The following FGFR3 variants were observed in gnomAD, a reference collection of about 807,000 sequenced individuals.
FGFR3 encodes the protein fibroblast growth factor receptor 3.
A neutral mutation model predicts 82.9 loss-of-function variants in FGFR3; 25 were observed. That is an observed-to-expected ratio of 0.30 (90% confidence interval 0.22 to 0.42). FGFR3 has a LOEUF of 0.42. Ranked by LOEUF, FGFR3 falls within the 10% of genes least tolerant of loss-of-function variation. FGFR3 has a pLI of 1.00. For synonymous variants in FGFR3, 620 were observed against 516.0 expected (o/e 1.20, Z -2.73); for missense variants, 1,026 against 1,161.0 (o/e 0.88, Z 1.69).
intron 8 of FGFR3, 129 bp downstream of exon 8, chr4:1,803,965 T>G (rs906842968): frequency 6.3e-6 from 7 of 1,116,924 alleles, no homozygotes; most frequent in African/African-American, 1.5e-5. Context: ...CCCTCACTCC[T>G]GGCCCTGTGC....
rs562813345 is a variant in FGFR3, at chr4:1,804,159, C to T, written c.1076-171C>T. On this transcript the variant is annotated intron_variant, in intron 8 of 17. Transcript: ENST00000440486. ...GGGCTCCTTCTCTCCAGGGTCTGGC[C>T]CTCTAGACTCACTGGCGTTACTGAC... 2.4e-3 allele frequency among the ~76,000 whole-genome samples: 363 copies of T among 152,320 alleles called. 6 individuals carry two copies. Among genetic ancestry groups the T allele is most frequent in the Non-Finnish European group, 6.3e-4 (43 of 68,032 alleles).
Position 1,798,049 on chromosome 4 carries a change from C to T in FGFR3, c.110-1205C>T, listed in dbSNP as rs372388422. Among the ~76,000 whole-genome samples the T allele has an allele frequency of 5.3e-5, 8 of 151,628 alleles. No individual in the cohort carries two copies. The East Asian group carries it at 5.9e-4, about 11-fold the overall frequency. Reference sequence around the variant, plus strand: ...CCCCGTCCCGGCCCCAAGCCCGGGACGCCTGCCTGCATGCATTGTCTGGCC... The same window carrying T: ...CCCCGTCCCGGCCCCAAGCCCGGGATGCCTGCCTGCATGCATTGTCTGGCC... On this transcript the variant is annotated intron_variant, in intron 2 of 17. Coordinates refer to ENST00000440486, the MANE Select transcript of FGFR3 (RefSeq NM_000142.5).
rs151254213 is a variant in FGFR3, at chr4:1,801,888, G to A, written c.793G>A (p.Ala265Thr). The change falls in exon 7 of 18, where the codon GCG (alanine) becomes ACG (threonine). Residue 265 changes from alanine (A) to threonine (T), a missense_variant. By Grantham distance (58) the Ala-to-Thr change is moderately conservative. This residue lies in a region of FGFR3 where 147 missense variants were observed against 228.1 expected (regional missense o/e 0.64). Coordinates refer to ENST00000440486, the MANE Select transcript of FGFR3 (RefSeq NM_000142.5). ...GGCGGGGCTGCCGGCCAACCAGACG[G>A]CGGTGCTGGGCAGCGACGTGGAGTT... ...LQAGLPANQT[A>T]VLGSDVEFHC... 4 of 1,610,988 alleles carry A rather than the reference G, an allele frequency of 2.5e-6. No homozygotes were observed. Among genetic ancestry groups the A allele is most frequent in the Admixed American group, 1.7e-5 (1 of 59,968 alleles).
chr4:1,794,884 G>A (rs868085128), intron 2 of FGFR3, among the ~76,000 whole-genome samples: 1 of 151,442 alleles, frequency 6.6e-6, no homozygotes, highest in African/African-American at 2.4e-5. Flanking sequence ...GCCTTGGCCC[G>A]GTGAGCTCGC....
At chr4:1,794,428 C>T (rs142699370) in intron 2 of FGFR3, among the ~76,000 whole-genome samples, 7 of 152,318 alleles carry the variant, frequency 4.6e-5, no homozygotes, top group Non-Finnish European at 1.0e-4. Flanking sequence ...CCCCCTCCCC[C>T]GGGCCCCAGT....
intron 9 of FGFR3, 114 bp downstream of exon 9, chr4:1,804,634 C>T: frequency 2.7e-6 from 4 of 1,470,408 alleles, no homozygotes; most frequent in Admixed American, 3.4e-5. Context: ...GCCAGGCGGG[C>T]TCCCCTCTCC....
intron 2 of FGFR3, among the ~76,000 whole-genome samples, 163 bp from the exon 3 acceptor site, chr4:1,799,091 C>T (rs1015874518): frequency 4.6e-5 from 7 of 152,308 alleles, no homozygotes; most frequent in East Asian, 1.9e-4. Flanking sequence ...AGATAGAGAC[C>T]TTTGGCCCTT....
rs1721871284 is a variant in FGFR3 at position 1,806,043 on chromosome 4, T to C, written c.1837-8T>C. ...AGGCTTCAGCCCTGCCTCCCACCCC[T>C]TCCCCAGTGCATCCACAGGGACCTG... On this transcript the variant is annotated splice_region_variant and splice_polypyrimidine_tract_variant and intron_variant, in intron 13 of 17. Transcript: ENST00000440486. 3 of 1,613,226 alleles carry C rather than the reference T, an allele frequency of 1.9e-6. No individual in the cohort carries two copies. Among genetic ancestry groups the C allele is most frequent in the South Asian group, 2.2e-5 (2 of 91,088 alleles).
chr4:1,795,573 G>C (rs1450994660), intron 2 of FGFR3, among the ~76,000 whole-genome samples: 2 of 152,236 alleles, frequency 1.3e-5, no homozygotes, highest in African/African-American at 4.8e-5. Flanking sequence ...TGAGGTCTAG[G>C]CTGGCGCTTG....
chr4:1,807,095 C>T (rs896039219), intron 17 of FGFR3, 21 bp from the exon 18 acceptor site: 8 of 1,562,248 alleles, frequency 5.1e-6, no homozygotes, highest in Non-Finnish European at 6.9e-6. Flanking sequence ...GCACAGCGCT[C>T]ACCCCGCCTC....
In FGFR3 at chr4:1,805,220, G is replaced by A. The variant is rs1286811370; in HGVS notation, c.1413-135G>A. 7.3e-6 allele frequency: 11 copies of A among 1,505,496 alleles called. No homozygotes were observed. In the African/African-American group the frequency reaches 9.6e-5, roughly 13 times the overall value. 93.3% of individuals were successfully genotyped at this position (1,505,496 alleles called of 1,614,324 possible). On this transcript the variant is annotated intron_variant, in intron 10 of 17. Coordinates refer to ENST00000440486, the MANE Select transcript of FGFR3 (RefSeq NM_000142.5). Reference sequence around the variant, plus strand: ...CACTCTTCGTCCTTACGAGCAGGCTGTAGGGGGAGCATGGAGGGCTTCCTG... The same window carrying A: ...CACTCTTCGTCCTTACGAGCAGGCTATAGGGGGAGCATGGAGGGCTTCCTG...
At chr4:1,795,529 G>C (rs989053952) in intron 2 of FGFR3, among the ~76,000 whole-genome samples, 6 of 152,176 alleles carry the variant, frequency 3.9e-5, no homozygotes, top group African/African-American at 1.4e-4. Flanking sequence ...AGATGGGCCG[G>C]GCAGTAAAAA....
chr4:1,803,635 TGCGGTGCCCGCAGG>T, intron 7 of FGFR3, 43 bp from the exon 8 acceptor site: 1 of 1,593,762 alleles, frequency 6.3e-7, no homozygotes, highest in Middle Eastern at 1.9e-4. Context: ...GTGGACTCTG[TGCGGTGCCCGCAGG>T]GCGGTGCTGG....
At position 1,804,285 on chromosome 4, in the gene FGFR3, TGG is replaced by T. The variant is rs4647926; in HGVS notation, c.1076-35_1076-34del. Reference sequence around the variant, plus strand: ...GCCAGGGGCATCCATGGGAGCCCCGTGGGGGGGGGGGCCAGGCCAGGCCTCAA... The same window carrying T: ...GCCAGGGGCATCCATGGGAGCCCCGTGGGGGGGGGCCAGGCCAGGCCTCAA... On this transcript the variant is annotated intron_variant, in intron 8 of 17. Transcript: ENST00000440486. The T allele has an allele frequency of 2.2e-4, 282 of 1,297,612 alleles. 2 individuals carry two copies. Among genetic ancestry groups the T allele is most frequent in the Middle Eastern group, 8.4e-4 (4 of 4,772 alleles). 80.4% of individuals were successfully genotyped at this position (1,297,612 alleles called of 1,614,324 possible). A position where few individuals can be genotyped will look rare whatever the true frequency, so the allele number is the denominator to read the frequency against.
chr4:1,798,452 C>T (rs768665182), intron 2 of FGFR3, among the ~76,000 whole-genome samples: 1 of 151,870 alleles, frequency 6.6e-6, no homozygotes, highest in African/African-American at 2.4e-5. Context: ...TTGCTCTTCT[C>T]GGTATGTTTT....
In FGFR3 at chr4:1,805,931, C is replaced by T. The variant is rs750472969; in HGVS notation, c.1827C>T (p.Ala609=). The change falls in exon 13 of 18, where the codon GCC becomes GCT. Residue 609 remains alanine (A), a synonymous_variant. Transcript: ENST00000440486. The part of the protein sequence containing the change: ...YQVARGMEYL[A]SQKCIHRDLA... ...TGGCCCGGGGCATGGAGTACTTGGC[C>T]TCCCAGAAGGTGGGCAGGGCGGCAG... The T allele has an allele frequency of 1.2e-6, 2 of 1,609,182 alleles. No homozygotes were observed. The highest frequency in any genetic ancestry group is 1.7e-6 in the Non-Finnish European group (2 of 1,176,962).
At chr4:1,800,769 C>T (rs1207269507) in intron 4 of FGFR3, among the ~76,000 whole-genome samples, 1 of 152,140 alleles carries the variant, frequency 6.6e-6, no homozygotes, top group Non-Finnish European at 1.5e-5. Flanking sequence ...AGCACCAGCC[C>T]TGAGGAAGGA....
intron 8 of FGFR3, 42 bp from the exon 9 acceptor site, chr4:1,804,288 G>GC (rs375124658): frequency 1.3e-6 from 2 of 1,548,402 alleles, no homozygotes; most frequent in South Asian, 2.5e-5. Flanking sequence ...AGCCCCGTGG[G>GC]GGGGGGGGCC....
At chr4:1,797,589 G>T (rs941364846) in intron 2 of FGFR3, among the ~76,000 whole-genome samples, 3 of 152,240 alleles carry the variant, frequency 2.0e-5, no homozygotes, top group Admixed American at 1.3e-4. Context: ...GCCAGGGCCT[G>T]CAGCTGAGGC....
Sources: gnomAD v4.1 joint callset for allele counts (sites outside exome capture counted in the v4.1 genomes callset) on GRCh38, gnomAD v4.1.1 for gene constraint, gnomAD v4.1.1 regional missense constraint, MANE v1.5 for transcripts, NCBI Gene and HGNC (gene_info 2026-07-23, HGNC 2026-07-21) for gene names.